The following FYCO1 variants were observed in gnomAD, a reference collection of about 807,000 sequenced individuals.
FYCO1 encodes the protein FYVE and coiled-coil domain-containing protein 1.
In FYCO1, 122 loss-of-function variants were observed where a neutral mutation model predicts 165.1. That is an observed-to-expected ratio of 0.74 (90% CI 0.64 to 0.86). The LOEUF (loss-of-function observed/expected upper bound fraction) is 0.86, where lower values mean the gene tolerates loss of function less well. Among genes scored for constraint, FYCO1 ranks in the 40% least tolerant of loss-of-function variants. The pLI is 0.00. For missense variants in FYCO1, 1,702 were observed against 1,810.3 expected, an observed-to-expected ratio of 0.94 and a Z score of 1.09; for synonymous variants, 648 against 742.5, an observed-to-expected ratio of 0.87 and a Z score of 2.07.
intron 1 of FYCO1, among the ~76,000 whole-genome samples, chr3:45,994,021 CTGA>C (rs1288166838): frequency 6.6e-6 from 1 of 152,186 alleles, no homozygotes; most frequent in Non-Finnish European, 1.5e-5. Flanking sequence ...ACCAGCTGCT[CTGA>C]TCTTGCTCTG....
intron 1 of FYCO1, among the ~76,000 whole-genome samples, chr3:45,992,772 A>G (rs1707620616): frequency 6.6e-6 from 1 of 152,156 alleles, no homozygotes; most frequent in Non-Finnish European, 1.5e-5. Context: ...GACCAAGTCT[A>G]CAGATACCCT....
chr3:45,953,612 A>C (rs546108023), intron 14 of FYCO1, among the ~76,000 whole-genome samples: 17 of 152,326 alleles, frequency 1.1e-4, no homozygotes, highest in African/African-American at 4.1e-4. Flanking sequence ...TAAGTACTTA[A>C]GGATATCCTT....
chr3:45,925,251 G>A (rs1054715605), intron 16 of FYCO1, among the ~76,000 whole-genome samples: 2 of 143,020 alleles, frequency 1.4e-5, no homozygotes, highest in Non-Finnish European at 3.1e-5. Flanking sequence ...TTTTTTTTAA[G>A]AAGTGACTAG....
chr3:45,964,489 T>A lies in FYCO1; in HGVS notation c.3151-35A>T. 1 of 1,612,780 alleles carries A rather than the reference T, an allele frequency of 6.2e-7. No individual in the cohort carries two copies. The highest frequency in any genetic ancestry group is 1.7e-5 in the Admixed American group (1 of 59,988). ...GACGTCAGGGAGAAGACACTCAGCT[T>A]GCAGAAGGCCATGCAACGTACCATA... On this transcript the variant is annotated intron_variant, in intron 9 of 17. Transcript: ENST00000296137. This position sits in a 1 kb window ranked among gnomAD's most constrained non-coding sequence, Gnocchi z 4.1.
At chr3:45,965,754 C>A (rs544811905) in intron 8 of FYCO1, among the ~76,000 whole-genome samples, 1 of 152,180 alleles carries the variant, frequency 6.6e-6, no homozygotes, top group Non-Finnish European at 1.5e-5. Context: ...AACTGCTGGC[C>A]CTCTGCAGGG....
Position 45,967,915 on chromosome 3 carries a change from C to T in FYCO1, c.1419G>A (p.Leu473=). 1.9e-6 allele frequency: 3 copies of T among 1,614,146 alleles called. No homozygotes were observed. Among genetic ancestry groups the T allele is most frequent in the South Asian group, 1.1e-5 (1 of 91,088 alleles). ...GQEADQLWRR[L]QELLAHTSSW... Reference sequence around the variant, plus strand: ...AGCTCGTGTGGGCCAGCAACTCCTGCAGCCGTCGCCAGAGCTGGTCTGCCT... The same window carrying T: ...AGCTCGTGTGGGCCAGCAACTCCTGTAGCCGTCGCCAGAGCTGGTCTGCCT... The change falls in exon 8 of 18, where the codon CTG becomes CTA. Residue 473 remains leucine (L), a synonymous_variant. Transcript: ENST00000296137.
chr3:45,973,087 C>G lies in FYCO1; in HGVS notation c.539+1G>C. 1 of 1,614,170 alleles carries G rather than the reference C, an allele frequency of 6.2e-7. No homozygotes were observed. Among genetic ancestry groups the G allele is most frequent in the Non-Finnish European group, 8.5e-7 (1 of 1,180,028 alleles). On this transcript the variant is annotated splice_donor_variant, in intron 6 of 17. Transcript: ENST00000296137. LOFTEE classifies it high-confidence loss of function. ...TTAAACCAAGCAATCCTTCAAAGTA[C>G]CTGGCAAATGTTGGCCAGGCAGCAT...
chr3:45,945,058 C>T (rs1704497902), intron 14 of FYCO1: 1 of 152,116 alleles, frequency 6.6e-6, no homozygotes, highest in African/African-American at 2.4e-5. Context: ...CAGCATCCTT[C>T]CTTGCTAGAG....
At chr3:45,930,179 G>C (rs543747844) in intron 16 of FYCO1, among the ~76,000 whole-genome samples, 2 of 152,318 alleles carry the variant, frequency 1.3e-5, no homozygotes, top group East Asian at 3.9e-4. Flanking sequence ...AGTCCAGCAG[G>C]CCCAACGGCT....
chr3:45,995,017 A>G (rs1707733915), intron 1 of FYCO1, among the ~76,000 whole-genome samples: 2 of 152,066 alleles, frequency 1.3e-5, no homozygotes, highest in Admixed American at 1.3e-4. Flanking sequence ...CTTTTCTTAC[A>G]AAAAATAAAA....
chr3:45,969,034 G>A (rs1575373528), intron 7 of FYCO1, among the ~76,000 whole-genome samples: 1 of 152,264 alleles, frequency 6.6e-6, no homozygotes, highest in East Asian at 1.9e-4. Context: ...TTCATTCATT[G>A]TGCCATACCC....
intron 2 of FYCO1, among the ~76,000 whole-genome samples, chr3:45,982,848 T>C (rs1477279119): frequency 1.3e-5 from 2 of 152,208 alleles, no homozygotes; most frequent in Admixed American, 1.3e-4. Flanking sequence ...TGTTGTCCAC[T>C]GTACCTTGCT....
At chr3:45,937,181 G>A (rs1270730599) in intron 14 of FYCO1, among the ~76,000 whole-genome samples, 1 of 152,136 alleles carries the variant, frequency 6.6e-6, no homozygotes, top group African/African-American at 2.4e-5. Context: ...ACAATCTCAG[G>A]TGCCTCAGAG....
intron 1 of FYCO1, among the ~76,000 whole-genome samples, chr3:45,985,743 G>A (rs1707283429): frequency 6.6e-6 from 1 of 152,258 alleles, no homozygotes; most frequent in Non-Finnish European, 1.5e-5. Flanking sequence ...CAGCTGGTGA[G>A]TCCTGAGTTA....
At position 45,962,500 on chromosome 3, in the gene FYCO1, G is replaced by C; in HGVS notation, c.3270-108C>G. ...AGGGGTGCTACTGCCCTCCGCCATG[G>C]GGGAGCCCCTTGGTATCTGCTCACA... On this transcript the variant is annotated intron_variant, in intron 10 of 17. Coordinates refer to ENST00000296137, the MANE Select transcript of FYCO1 (RefSeq NM_024513.4). The surrounding 1 kb of genome is among the most constrained non-coding windows in gnomAD (Gnocchi z 4.4). 4 of 1,002,676 alleles carry C rather than the reference G, an allele frequency of 4.0e-6. No homozygotes were observed. In the Admixed American group the frequency reaches 6.9e-5, roughly 17 times the overall value. The allele number at this position is 1,002,676 out of a possible 1,614,324, so 62.1% of individuals were successfully genotyped here.
At position 45,967,830 on chromosome 3, in the gene FYCO1, C is replaced by A; in HGVS notation, c.1504G>T (p.Glu502Ter). The A allele has an allele frequency of 6.2e-7, 1 of 1,614,088 alleles. No individual in the cohort carries two copies. Reference protein sequence around the residue: ...REKKQQQEEKELLEQEVRSLT... With the variant: ...REKKQQQEEK Reference sequence around the variant, plus strand: ...GACCTGACCTCCTGCTCCAGCAGCTCCTTCTCCTCCTGTTGCTGTTTTTTC... The same window carrying A: ...GACCTGACCTCCTGCTCCAGCAGCTACTTCTCCTCCTGTTGCTGTTTTTTC... The change falls in exon 8 of 18, where the codon GAG becomes TAG. Residue 502 changes from glutamate to a stop codon, truncating the protein, a stop_gained. Coordinates refer to ENST00000296137, the MANE Select transcript of FYCO1 (RefSeq NM_024513.4). LOFTEE classifies it high-confidence loss of function.
rs748198143 is a variant in FYCO1, at chr3:45,947,247, A to G, written c.3944+8002T>C. The G allele has an allele frequency of 5.6e-6, 9 of 1,614,056 alleles. No homozygotes were observed. In the East Asian group the frequency reaches 2.0e-4, roughly 36 times the overall value. ...CAACCTCATGAAGTTCATCCGCAGCACACACTGGGAATACTATGCCATGAC... is the reference window on the plus strand; with the variant it reads ...CAACCTCATGAAGTTCATCCGCAGCGCACACTGGGAATACTATGCCATGAC... On this transcript the variant is annotated intron_variant, in intron 14 of 17. Transcript: ENST00000296137.
At position 45,962,123 on chromosome 3, in the gene FYCO1, T is replaced by C; in HGVS notation, c.3437+102A>G. The C allele has an allele frequency of 7.7e-7, 1 of 1,296,740 alleles. No homozygotes were observed. The highest frequency in any genetic ancestry group is 1.2e-5 in the South Asian group (1 of 84,404). 80.3% of individuals were successfully genotyped at this position (1,296,740 alleles called of 1,614,324 possible). A position where few individuals can be genotyped will look rare whatever the true frequency, so the allele number is the denominator to read the frequency against. On this transcript the variant is annotated intron_variant, in intron 11 of 17. Transcript: ENST00000296137. This position sits in a 1 kb window ranked among gnomAD's most constrained non-coding sequence, Gnocchi z 4.4. ...GGCTCCTGAGACAGCAGCAAGAAAGTGGGGAAATTTCTGAAGTATGCTTTC... is the reference window on the plus strand; with the variant it reads ...GGCTCCTGAGACAGCAGCAAGAAAGCGGGGAAATTTCTGAAGTATGCTTTC...
intron 14 of FYCO1, among the ~76,000 whole-genome samples, chr3:45,940,254 C>T (rs1398119229): frequency 6.6e-6 from 1 of 152,178 alleles, no homozygotes; most frequent in Admixed American, 6.5e-5. Context: ...GTTAAGCTGT[C>T]TCTCTAAAAT....
Sources: allele counts gnomAD v4.1 joint callset (sites outside exome capture counted in the v4.1 genomes callset), GRCh38; gene constraint gnomAD v4.1.1; non-coding constraint Gnocchi (gnomAD v3.1); transcripts MANE v1.5; gene names NCBI Gene and HGNC (gene_info 2026-07-23, HGNC 2026-07-21).